The following DYNLT2B variants were observed in gnomAD, a reference collection of about 807,000 sequenced individuals.
The protein encoded by DYNLT2B is dynein light chain Tctex-type protein 2B.
In DYNLT2B, 14 loss-of-function variants were observed where a neutral mutation model predicts 19.5. The observed-to-expected ratio is 0.72, with a 90% CI of 0.47 to 1.12. The LOEUF is 1.12. Among genes scored for constraint, DYNLT2B ranks in the 50% most tolerant of loss-of-function variants. The pLI, the probability that DYNLT2B is intolerant of heterozygous loss-of-function variation, is 0.00. For synonymous variants in DYNLT2B, 70 were observed against 59.7 expected (o/e 1.17, Z -0.79); for missense variants, 133 against 174.7 (o/e 0.76, Z 1.35).
intron 3 of DYNLT2B, among the ~76,000 whole-genome samples, chr3:196,303,418 A>G (rs1726407873): frequency 1.3e-5 from 2 of 152,160 alleles, no homozygotes; most frequent in African/African-American, 4.8e-5. Context: ...GCAGTTATAG[A>G]AAGAGTAAGT....
chr3:196,298,136 A>T (rs1377310753), intron 3 of DYNLT2B: 2 of 357,360 alleles, frequency 5.6e-6, no homozygotes, highest in African/African-American at 4.3e-5. Flanking sequence ...TTTCAACCAG[A>T]TCCACTGGAG....
chr3:196,317,637 C>T (rs922281384), intron 1 of DYNLT2B, among the ~76,000 whole-genome samples: 60 of 152,278 alleles, frequency 3.9e-4, no homozygotes, highest in African/African-American at 1.1e-3. Context: ...ATGCAGCTCC[C>T]GCGCCGGGAG....
In DYNLT2B at chr3:196,318,037, C is replaced by T. The variant is rs781417695; in HGVS notation, c.113+3G>A. On this transcript the variant is annotated splice_donor_region_variant and intron_variant, in intron 1 of 4. Transcript: ENST00000325318. Reference sequence around the variant, plus strand: ...GCCCCGCCACAGCCCGTCCTCTACCCGCCTCTGCTGGAAAACAGGCCGCAG... The same window carrying T: ...GCCCCGCCACAGCCCGTCCTCTACCTGCCTCTGCTGGAAAACAGGCCGCAG... The T allele has an allele frequency of 6.6e-6, 10 of 1,517,816 alleles. No individual in the cohort carries two copies. The highest frequency in any genetic ancestry group is 1.3e-5 in the South Asian group (1 of 79,586). The allele number at this position is 1,517,816 out of a possible 1,614,324, so 94.0% of individuals were successfully genotyped here.
intron 3 of DYNLT2B, among the ~76,000 whole-genome samples, chr3:196,300,597 C>T (rs1339996721): frequency 1.3e-5 from 2 of 151,566 alleles, no homozygotes; most frequent in African/African-American, 2.4e-5. Context: ...GGCGTGGTGG[C>T]GTGCGTCTCT....
rs1191546401 is a variant in DYNLT2B at position 196,316,145 on chromosome 3, G to C, written c.200C>G (p.Pro67Arg). 3.7e-6 allele frequency: 6 copies of C among 1,613,640 alleles called. No individual in the cohort carries two copies. In the Admixed American group the frequency reaches 8.3e-5, roughly 22 times the overall value. Residue 67 changes from proline (P) to arginine (R), a missense_variant, in exon 2 of 5, where the codon CCT becomes CGT. Transcript: ENST00000325318. ...ANAEYSPEEM[P>R]QLTKHLSENI... ...TTCTGATAAATGTTTTGTAAGCTGA[G>C]GCATTTCTTCTGGAGAATATTCAGC...
intron 3 of DYNLT2B, among the ~76,000 whole-genome samples, chr3:196,299,286 T>C (rs916120601): frequency 1.1e-4 from 16 of 151,938 alleles, no homozygotes; most frequent in Non-Finnish European, 2.1e-4. Flanking sequence ...GGTTTCACCA[T>C]GTTGGGCAGG....
At chr3:196,312,498 G>A (rs1199060710) in intron 2 of DYNLT2B, among the ~76,000 whole-genome samples, 3 of 152,058 alleles carry the variant, frequency 2.0e-5, no homozygotes, top group African/African-American at 7.2e-5. Flanking sequence ...TCGCTCTGTC[G>A]CCCAGGCTGG....
At chr3:196,306,698 G>T (rs925771653) in intron 3 of DYNLT2B, among the ~76,000 whole-genome samples, 1 of 151,906 alleles carries the variant, frequency 6.6e-6, no homozygotes, top group Non-Finnish European at 1.5e-5. Context: ...ACAAGCGCAC[G>T]CCATCACACC....
At chr3:196,311,417 GAAGA>G (rs1413893084) in intron 2 of DYNLT2B, among the ~76,000 whole-genome samples, 1 of 150,486 alleles carries the variant, frequency 6.6e-6, no homozygotes, top group African/African-American at 2.4e-5. Flanking sequence ...AAAAAAAGAA[GAAGA>G]AAGAAATTAT....
intron 4 of DYNLT2B, among the ~76,000 whole-genome samples, chr3:196,291,581 C>A (rs1027570847): frequency 1.3e-5 from 2 of 152,146 alleles, no homozygotes; most frequent in Non-Finnish European, 2.9e-5. Context: ...TACACTCAGG[C>A]AATCCTTCTA....
intron 2 of DYNLT2B, among the ~76,000 whole-genome samples, chr3:196,309,936 G>A (rs1236180822): frequency 9.5e-5 from 13 of 136,910 alleles, no homozygotes; most frequent in African/African-American, 3.4e-4. Context: ...CAACAAGACC[G>A]AAACTCAGTC....
intron 2 of DYNLT2B, among the ~76,000 whole-genome samples, chr3:196,311,913 CAG>C (rs2108796779): frequency 6.6e-6 from 1 of 152,080 alleles, no homozygotes; most frequent in South Asian, 2.1e-4. Flanking sequence ...TTTTTTGAGA[CAG>C]AGTTTCGCCC....
chr3:196,298,638 A>C (rs1474508492), intron 3 of DYNLT2B, among the ~76,000 whole-genome samples: 1 of 151,994 alleles, frequency 6.6e-6, no homozygotes, highest in African/African-American at 2.4e-5. Context: ...GCAGGCTAAT[A>C]ATGCTCCCAC....
chr3:196,297,389 G>T (rs939260843), intron 3 of DYNLT2B, among the ~76,000 whole-genome samples: 1 of 152,096 alleles, frequency 6.6e-6, no homozygotes, highest in African/African-American at 2.4e-5. Context: ...GCTGGGCATC[G>T]TGGCACACGC....
At chr3:196,311,721 T>C (rs1726649114) in intron 2 of DYNLT2B, among the ~76,000 whole-genome samples, 1 of 151,742 alleles carries the variant, frequency 6.6e-6, no homozygotes, top group South Asian at 2.1e-4. Context: ...TCTCGCTCTG[T>C]TGCCCAGGCT....
At chr3:196,296,980 T>G (rs1318985053) in intron 3 of DYNLT2B, among the ~76,000 whole-genome samples, 1 of 138,558 alleles carries the variant, frequency 7.2e-6, no homozygotes, top group Non-Finnish European at 1.5e-5. Flanking sequence ...GATCACGAGG[T>G]CGGGGGATCG....
chr3:196,316,265 G>C, intron 1 of DYNLT2B, 34 bp from the exon 2 acceptor site: 1 of 1,585,868 alleles, frequency 6.3e-7, no homozygotes, highest in Non-Finnish European at 8.6e-7. Context: ...TCCAGTCGGT[G>C]ACTCCACAAC....
chr3:196,300,488 G>C (rs1384163350), intron 3 of DYNLT2B, among the ~76,000 whole-genome samples: 1 of 152,134 alleles, frequency 6.6e-6, no homozygotes, highest in Admixed American at 6.6e-5. Context: ...CCAGCAGTTT[G>C]GGAGGCCAAA....
At chr3:196,303,320 G>A (rs545454457) in intron 3 of DYNLT2B, among the ~76,000 whole-genome samples, 13 of 152,188 alleles carry the variant, frequency 8.5e-5, no homozygotes, top group Non-Finnish European at 1.6e-4. Flanking sequence ...CGCACAGCCG[G>A]CTGTGCGTGA....
Sources: gnomAD v4.1 joint callset for allele counts (sites outside exome capture counted in the v4.1 genomes callset) on GRCh38, gnomAD v4.1.1 for gene constraint, MANE v1.5 for transcripts, NCBI Gene and HGNC (gene_info 2026-07-23, HGNC 2026-07-21) for gene names.